ITFG1: variants seen among roughly 807,000 people sequenced by gnomAD.
ITFG1 encodes integrin alpha FG-GAP repeat containing 1.
A neutral mutation model predicts 81.8 loss-of-function variants in ITFG1; 34 were observed. The observed-to-expected ratio is 0.42, with a 90% CI of 0.32 to 0.55. The LOEUF (loss-of-function observed/expected upper bound fraction) is 0.55. ITFG1 is among the 20% of genes least tolerant of loss of function. ITFG1 has a pLI of 0.17. For missense variants in ITFG1, 672 were observed against 755.4 expected, an observed-to-expected ratio of 0.89 and a Z score of 1.29; for synonymous variants, 285 against 270.6, an observed-to-expected ratio of 1.05 and a Z score of -0.52.
At chr16:47,358,472 G>A (rs1968069096) in intron 8 of ITFG1, among the ~76,000 whole-genome samples, 1 of 152,144 alleles carries the variant, frequency 6.6e-6, no homozygotes. Flanking sequence ...TAAATAGGAA[G>A]ACTAAGAATT....
At chr16:47,440,407 A>C (rs1162180551) in intron 5 of ITFG1, among the ~76,000 whole-genome samples, 2 of 152,158 alleles carry the variant, frequency 1.3e-5, no homozygotes, top group Non-Finnish European at 2.9e-5. Flanking sequence ...CACACCACAC[A>C]TATTCCAAAA....
In ITFG1 at chr16:47,306,820, C is replaced by T. The variant is rs538805102; in HGVS notation, c.1070+4420G>A. 4.6e-4 allele frequency among the ~76,000 whole-genome samples: 70 copies of T among 151,872 alleles called. 1 individual carries two copies. The highest frequency in any genetic ancestry group is 6.8e-3 in the Middle Eastern group (2 of 294). Reference sequence around the variant, plus strand: ...TAATAAAACGGAGAAAGAGGCCGGGCGCGGTGGCTCACGCCTGTAATCCCA... The same window carrying T: ...TAATAAAACGGAGAAAGAGGCCGGGTGCGGTGGCTCACGCCTGTAATCCCA... On this transcript the variant is annotated intron_variant, in intron 10 of 17. Coordinates refer to ENST00000320640, the MANE Select transcript of ITFG1 (RefSeq NM_030790.5).
intron 14 of ITFG1, among the ~76,000 whole-genome samples, chr16:47,203,390 C>T (rs1408617133): frequency 2.0e-5 from 3 of 152,184 alleles, no homozygotes; most frequent in South Asian, 4.1e-4. Context: ...GATTCAAGCA[C>T]ATTACATTTA....
intron 6 of ITFG1, chr16:47,426,129 C>T (rs777874444): frequency 6.6e-6 from 1 of 152,020 alleles, no homozygotes; most frequent in Non-Finnish European, 1.5e-5. Context: ...GCAGGACTCG[C>T]TTAAGAATTT....
chr16:47,171,697 G>C (rs898098755), intron 14 of ITFG1, among the ~76,000 whole-genome samples: 1 of 151,768 alleles, frequency 6.6e-6, no homozygotes, highest in Non-Finnish European at 1.5e-5. Flanking sequence ...TACTGCTTTT[G>C]CTTCATCCAA....
At chr16:47,289,312 C>T (rs1966883245) in intron 10 of ITFG1, among the ~76,000 whole-genome samples, 1 of 152,156 alleles carries the variant, frequency 6.6e-6, no homozygotes, top group Admixed American at 6.5e-5. Context: ...CTGTACTATT[C>T]TTTTTCTGTT....
chr16:47,188,012 A>T (rs992141536), intron 14 of ITFG1, among the ~76,000 whole-genome samples: 1 of 152,170 alleles, frequency 6.6e-6, no homozygotes, highest in African/African-American at 2.4e-5. Context: ...ACATGAAAAA[A>T]TGCTCATCAT....
At chr16:47,234,301 T>G (rs1171062599) in intron 13 of ITFG1, among the ~76,000 whole-genome samples, 1 of 152,044 alleles carries the variant, frequency 6.6e-6, no homozygotes, top group Admixed American at 6.6e-5. Context: ...AGCAGAGAGA[T>G]AGAAACTAAG....
At chr16:47,315,290 A>T (rs113299283) in intron 8 of ITFG1, among the ~76,000 whole-genome samples, 58 of 152,250 alleles carry the variant, frequency 3.8e-4, no homozygotes, top group African/African-American at 1.3e-3. Context: ...AAGGTTTTCC[A>T]AGGAGATAAA....
intron 13 of ITFG1, among the ~76,000 whole-genome samples, chr16:47,233,994 A>C (rs546044645): frequency 6.6e-6 from 1 of 152,360 alleles, no homozygotes; most frequent in East Asian, 1.9e-4. Context: ...TGAACAGTAT[A>C]TACAGCCTAA....
intron 10 of ITFG1, among the ~76,000 whole-genome samples, chr16:47,279,347 G>A (rs1235037484): frequency 6.6e-6 from 1 of 151,344 alleles, no homozygotes; most frequent in Non-Finnish European, 1.5e-5. Context: ...TTTTTTCCCT[G>A]CTAGGGATGC....
chr16:47,396,641 G>C (rs1410925110), intron 6 of ITFG1, among the ~76,000 whole-genome samples: 2 of 152,046 alleles, frequency 1.3e-5, no homozygotes, highest in African/African-American at 4.8e-5. Flanking sequence ...ATTTGCAAGA[G>C]AGGGTTAGTA....
intron 11 of ITFG1, 25 bp from the exon 12 acceptor site, chr16:47,258,765 T>A: frequency 8.7e-7 from 1 of 1,150,084 alleles, no homozygotes; most frequent in South Asian, 1.4e-5. Flanking sequence ...ACAAAAATGG[T>A]AAGAACAAAC....
intron 6 of ITFG1, among the ~76,000 whole-genome samples, chr16:47,381,703 CT>C (rs1460441859): frequency 6.6e-6 from 1 of 152,128 alleles, no homozygotes; most frequent in Non-Finnish European, 1.5e-5. Context: ...ATAAAAATAT[CT>C]TTAAAATAAA....
chr16:47,370,813 T>C (rs2151588933), intron 7 of ITFG1, among the ~76,000 whole-genome samples: 1 of 152,312 alleles, frequency 6.6e-6, no homozygotes, highest in African/African-American at 2.4e-5. Flanking sequence ...CCAGAGGTTG[T>C]AAGTGAAACT....
At chr16:47,301,436 C>T (rs1208998385) in intron 10 of ITFG1, among the ~76,000 whole-genome samples, 4 of 149,026 alleles carry the variant, frequency 2.7e-5, no homozygotes, top group Admixed American at 6.7e-5. Flanking sequence ...ATGGCACTGT[C>T]GCCCAGGCTG....
intron 14 of ITFG1, among the ~76,000 whole-genome samples, chr16:47,173,111 C>A (rs1251355479): frequency 6.6e-6 from 1 of 152,216 alleles, no homozygotes; most frequent in Non-Finnish European, 1.5e-5. Flanking sequence ...TTACCTCCTT[C>A]AAATCCTTGT....
At chr16:47,193,337 A>AT (rs1965316143) in intron 14 of ITFG1, among the ~76,000 whole-genome samples, 1 of 151,996 alleles carries the variant, frequency 6.6e-6, no homozygotes, top group African/African-American at 2.4e-5. Context: ...AAAAATGGGC[A>AT]ACCAGGCCTA....
chr16:47,439,463 G>A (rs935087369), intron 5 of ITFG1, among the ~76,000 whole-genome samples: 1 of 152,144 alleles, frequency 6.6e-6, no homozygotes, highest in Non-Finnish European at 1.5e-5. Context: ...CAAAGGGAAG[G>A]CCATCAGACT....
Sources: allele counts gnomAD v4.1 joint callset (sites outside exome capture counted in the v4.1 genomes callset), GRCh38; gene constraint gnomAD v4.1.1; transcripts MANE v1.5; gene names NCBI Gene and HGNC (gene_info 2026-07-23, HGNC 2026-07-21).